Variants in MYH15 observed in about 807,000 individuals in gnomAD.
MYH15 encodes the protein myosin-15.
MYH15 carries 227 observed loss-of-function variants against 240.5 expected under a neutral mutation model. The ratio of observed to expected loss-of-function variants is 0.94; its 90% CI spans 0.85 to 1.05. MYH15 has a LOEUF of 1.05. MYH15 is among the 50% of genes least tolerant of loss of function. The pLI is 0.00. For synonymous variants in MYH15, 785 were observed against 796.7 expected, an observed-to-expected ratio of 0.99 and a Z score of 0.25; for missense variants, 2,217 against 2,247.5, an observed-to-expected ratio of 0.99 and a Z score of 0.27.
At chr3:108,437,051 CTTGT>C (rs1343843608) in intron 25 of MYH15, among the ~76,000 whole-genome samples, 3 of 151,896 alleles carry the variant, frequency 2.0e-5, no homozygotes, top group East Asian at 1.9e-4. Context: ...ATTTTCATGG[CTTGT>C]TTTAGATTTT....
chr3:108,466,287 T>G (rs2107584401), intron 14 of MYH15, among the ~76,000 whole-genome samples: 1 of 152,346 alleles, frequency 6.6e-6, no homozygotes, highest in African/African-American at 2.4e-5. Context: ...TAGGAAAATT[T>G]TATTGCATTT....
Position 108,463,072 on chromosome 3 carries a change from T to C in MYH15, c.1864+39A>G, listed in dbSNP as rs1040086774. On this transcript the variant is annotated intron_variant, in intron 16 of 40. Transcript: ENST00000693548. ...AAAGCTGAGGCAGCCATGGGTTCCA[T>C]TCTGAGGCTGAAAAATCAAGGAAGA... 1.0e-5 allele frequency: 16 copies of C among 1,573,046 alleles called. No homozygotes were observed. The Admixed American group carries it at 2.4e-4, about 24-fold the overall frequency.
chr3:108,500,093 T>C, intron 4 of MYH15, 25 bp downstream of exon 4: 1 of 1,604,778 alleles, frequency 6.2e-7, no homozygotes, highest in Non-Finnish European at 8.5e-7. Context: ...ATTTTTACTT[T>C]TCATTTTGTA....
At chr3:108,396,286 G>T (rs975968286) in intron 35 of MYH15, among the ~76,000 whole-genome samples, 1 of 152,144 alleles carries the variant, frequency 6.6e-6, no homozygotes, top group African/African-American at 2.4e-5. Context: ...ATAGACCAGC[G>T]GTCCCCAACC....
At chr3:108,455,616 T>G in intron 20 of MYH15, 120 bp downstream of exon 20, 24 of 1,134,546 alleles carry the variant, frequency 2.1e-5, no homozygotes, top group Non-Finnish European at 2.9e-5. Flanking sequence ...GATCTGTTTG[T>G]GATATTTATG....
At chr3:108,393,953 CAGATGTGGCCCTGCCCCTTGGCCACT>C in intron 36 of MYH15, 52 bp downstream of exon 36, 1 of 1,587,128 alleles carries the variant, frequency 6.3e-7, no homozygotes, top group Middle Eastern at 2.3e-4. Flanking sequence ...TTTTTGGCTG[CAGATGTGGCCCTGCCCCTTGGCCACT>C]GCGCCAGTGA....
At chr3:108,402,406 G>T (rs2082512649) in intron 33 of MYH15, among the ~76,000 whole-genome samples, 1 of 152,228 alleles carries the variant, frequency 6.6e-6, no homozygotes, top group Admixed American at 6.5e-5. Flanking sequence ...TGGGGCTGTA[G>T]ACCAGGGTTG....
chr3:108,504,526 C>A (rs1004081760), intron 2 of MYH15, among the ~76,000 whole-genome samples: 15 of 152,074 alleles, frequency 9.9e-5, no homozygotes, highest in Non-Finnish European at 2.1e-4. Context: ...ACAAAGATAG[C>A]ATTAAAAAGA....
At chr3:108,487,032 A>G (rs1366167187) in intron 9 of MYH15, among the ~76,000 whole-genome samples, 1 of 152,226 alleles carries the variant, frequency 6.6e-6, no homozygotes, top group Non-Finnish European at 1.5e-5. Context: ...CCTCGCTATT[A>G]GAGAACTGAG....
At chr3:108,454,407 T>G (rs1009732160) in intron 20 of MYH15, among the ~76,000 whole-genome samples, 1 of 152,178 alleles carries the variant, frequency 6.6e-6, no homozygotes, top group Non-Finnish European at 1.5e-5. Context: ...ATTAATAATG[T>G]CTCAATTGTT....
At chr3:108,472,480 C>T (rs1450808955) in intron 12 of MYH15, among the ~76,000 whole-genome samples, 5 of 152,118 alleles carry the variant, frequency 3.3e-5, no homozygotes, top group Admixed American at 6.6e-5. Flanking sequence ...ATCCATAAGC[C>T]GGATGGCATC....
chr3:108,546,041 A>G, the MYH15 span, among the ~76,000 whole-genome samples: 7 of 152,172 alleles, frequency 4.6e-5, no homozygotes, highest in African/African-American at 7.2e-5. Flanking sequence ...TTTAAAAGTC[A>G]TATCAGTTTG....
At position 108,408,319 on chromosome 3, in the gene MYH15, T is replaced by C. The variant is rs1218018837; in HGVS notation, c.4581A>G (p.Glu1527=). 3 of 1,613,750 alleles carry C rather than the reference T, an allele frequency of 1.9e-6. No individual in the cohort carries two copies. Among genetic ancestry groups the C allele is most frequent in the South Asian group, 1.1e-5 (1 of 91,022 alleles). The change falls in exon 32 of 41, where the codon GAA becomes GAG. Residue 1527 remains glutamate, a synonymous_variant. Transcript: ENST00000693548. ...GTGTCACCTGGACTTCTGTCTTCTC[T>C]TCTTCAATTAGTTTCTTGACCTTTT... ...EMEKVKKLIE[E]EKTEVQVTLE...
chr3:108,535,993 C>T, the MYH15 span, among the ~76,000 whole-genome samples: 1 of 152,218 alleles, frequency 6.6e-6, no homozygotes, highest in Admixed American at 6.5e-5. Flanking sequence ...TTAGGCAGGG[C>T]GAGGTGGCTC....
At chr3:108,392,027 C>T (rs554516786) in intron 36 of MYH15, 97 bp from the exon 37 acceptor site, 126 of 1,325,316 alleles carry the variant, frequency 9.5e-5, no homozygotes, top group Middle Eastern at 1.9e-4. Context: ...CTGGCTGCCA[C>T]GCCTTGCCTC....
intron 12 of MYH15, among the ~76,000 whole-genome samples, chr3:108,472,029 C>T (rs2083182442): frequency 6.6e-6 from 1 of 152,134 alleles, no homozygotes; most frequent in East Asian, 1.9e-4. Context: ...TATATTAGTT[C>T]CCAGTTTTGC....
At chr3:108,480,641 G>C (rs2083259563) in intron 11 of MYH15, among the ~76,000 whole-genome samples, 1 of 152,114 alleles carries the variant, frequency 6.6e-6, no homozygotes, top group Non-Finnish European at 1.5e-5. Flanking sequence ...TAATGAGAAA[G>C]GGAGAAAGAG....
chr3:108,543,168 C>T, the MYH15 span, among the ~76,000 whole-genome samples: 1 of 152,120 alleles, frequency 6.6e-6, no homozygotes, highest in South Asian at 2.1e-4. Context: ...CGTGAGCCAC[C>T]GCACCAGGTC....
At position 108,464,719 on chromosome 3, in the gene MYH15, T is replaced by C. The variant is rs2083100281; in HGVS notation, c.1650A>G (p.Gly550=). Residue 550 remains glycine (G), a synonymous_variant, in exon 15 of 41, where the codon GGA becomes GGG. Transcript: ENST00000693548. ...FKTKLFDNHF[G]KSVHLQKPKP... The stretch of plus-strand genomic sequence containing the variant: ...TGGGCTTCTGGAGATGAACCGACTT[T>C]CCAAAATGGTTGTCAAAGAGTTTGG... 1 of 1,613,918 alleles carries C rather than the reference T, an allele frequency of 6.2e-7. No individual in the cohort carries two copies. Among genetic ancestry groups the C allele is most frequent in the Non-Finnish European group, 8.5e-7 (1 of 1,179,890 alleles).
Sources: gnomAD v4.1 joint callset for allele counts (sites outside exome capture counted in the v4.1 genomes callset) on GRCh38, gnomAD v4.1.1 for gene constraint, MANE v1.5 for transcripts, NCBI Gene and HGNC (gene_info 2026-07-23, HGNC 2026-07-21) for gene names.